The following LPP variants were observed in gnomAD, a reference collection of about 807,000 sequenced individuals.
LPP encodes lipoma-preferred partner.
Under a neutral mutation model 60.4 loss-of-function variants are expected in LPP, and 38 were observed. The ratio of observed to expected loss-of-function variants is 0.63; its 90% CI spans 0.49 to 0.83. The LOEUF is 0.83. Ranked by LOEUF, LPP falls within the 40% of genes least tolerant of loss-of-function variation. LPP has a pLI of 0.00. For synonymous variants in LPP, 328 were observed against 290.8 expected (o/e 1.13, Z -1.30); for missense variants, 902 against 783.6 (o/e 1.15, Z -1.80).
At chr3:188,316,001 C>T (rs1051676343) in intron 2 of LPP, among the ~76,000 whole-genome samples, 4 of 152,182 alleles carry the variant, frequency 2.6e-5, no homozygotes, top group Admixed American at 1.3e-4. Flanking sequence ...TGTCTGGGCG[C>T]GGTGGCTTAC....
At chr3:188,466,828 T>TATATATATATATATATAG in intron 4 of LPP, among the ~76,000 whole-genome samples, 1 of 125,080 alleles carries the variant, frequency 8.0e-6, no homozygotes, top group African/African-American at 3.0e-5. Context: ...TATATATATA[T>TATATATATATATATATAG]ATATATATAT....
intron 9 of LPP, among the ~76,000 whole-genome samples, chr3:188,850,915 C>A (rs1762537823): frequency 6.6e-6 from 1 of 152,094 alleles, no homozygotes; most frequent in Admixed American, 6.5e-5. Context: ...TCCCTTTATT[C>A]CAATAAAAAG....
intron 4 of LPP, among the ~76,000 whole-genome samples, chr3:188,469,525 C>T (rs977664449): frequency 6.6e-6 from 1 of 152,092 alleles, no homozygotes; most frequent in East Asian, 1.9e-4. Context: ...AGGGGAATGT[C>T]GGGTTAATCA....
chr3:188,845,125 AT>A (rs1183792839), intron 9 of LPP, among the ~76,000 whole-genome samples: 2 of 152,192 alleles, frequency 1.3e-5, no homozygotes, highest in Non-Finnish European at 2.9e-5. Context: ...AAGCTCCAGA[AT>A]TTTTTACCAA....
intron 4 of LPP, among the ~76,000 whole-genome samples, chr3:188,427,174 C>T (rs937315115): frequency 2.6e-5 from 4 of 152,160 alleles, no homozygotes; most frequent in African/African-American, 7.2e-5. Context: ...TCAGTGTTTA[C>T]TTATATGTAA....
At position 188,484,505 on chromosome 3, in the gene LPP, T is replaced by C. The variant is rs982799139; in HGVS notation, c.194-87T>C. On this transcript the variant is annotated intron_variant, in intron 4 of 11. Transcript: ENST00000617246. ...CAAAATTATGTGTCAAAGCCAATTATAAAAAAGTAAAATGCCAGCAAATAT... is the reference window on the plus strand; with the variant it reads ...CAAAATTATGTGTCAAAGCCAATTACAAAAAAGTAAAATGCCAGCAAATAT... The C allele has an allele frequency of 9.5e-6, 9 of 950,882 alleles. No homozygotes were observed. The Admixed American group carries it at 1.0e-4, about 11-fold the overall frequency. 58.9% of individuals were successfully genotyped at this position (950,882 alleles called of 1,614,324 possible). A position where few individuals can be genotyped will look rare whatever the true frequency, so the allele number is the denominator to read the frequency against.
At chr3:188,196,433 T>C (rs1038899596) in intron 1 of LPP, among the ~76,000 whole-genome samples, 1 of 152,182 alleles carries the variant, frequency 6.6e-6, no homozygotes, top group Non-Finnish European at 1.5e-5. Flanking sequence ...TGCCTCTGAC[T>C]GTCCTCAGTC....
At chr3:188,768,042 A>G (rs1243989969) in intron 9 of LPP, among the ~76,000 whole-genome samples, 1 of 152,166 alleles carries the variant, frequency 6.6e-6, no homozygotes, top group Non-Finnish European at 1.5e-5. Context: ...GACACTCAGC[A>G]TAGATACAGA....
chr3:188,698,110 A>T (rs1863658466), intron 7 of LPP, among the ~76,000 whole-genome samples: 1 of 152,100 alleles, frequency 6.6e-6, no homozygotes, highest in South Asian at 2.1e-4. Flanking sequence ...CATGGTGATA[A>T]AACCTTTTTT....
intron 9 of LPP, among the ~76,000 whole-genome samples, chr3:188,784,083 C>A (rs1334193410): frequency 6.6e-6 from 1 of 151,650 alleles, no homozygotes; most frequent in African/African-American, 2.4e-5. Flanking sequence ...CCCTTCCACG[C>A]TTCCCCCCAA....
intron 9 of LPP, among the ~76,000 whole-genome samples, chr3:188,800,868 T>G (rs1747025229): frequency 6.6e-6 from 1 of 152,204 alleles, no homozygotes; most frequent in Non-Finnish European, 1.5e-5. Context: ...TTTTTTGTTT[T>G]GTTTTGTTTC....
intron 7 of LPP, among the ~76,000 whole-genome samples, chr3:188,675,206 G>A (rs925939655): frequency 1.3e-5 from 2 of 152,210 alleles, no homozygotes; most frequent in Non-Finnish European, 2.9e-5. Flanking sequence ...ACTGATTAGA[G>A]TCATTTGTAG....
At chr3:188,165,082 G>A (rs1266146111) in intron 1 of LPP, among the ~76,000 whole-genome samples, 1 of 151,686 alleles carries the variant, frequency 6.6e-6, no homozygotes, top group Non-Finnish European at 1.5e-5. Flanking sequence ...GACCATCCTG[G>A]GTAATATAGC....
intron 3 of LPP, among the ~76,000 whole-genome samples, chr3:188,364,380 C>T (rs1224369420): frequency 3.3e-5 from 5 of 152,118 alleles, no homozygotes; most frequent in South Asian, 4.1e-4. Flanking sequence ...TGCCTTCGTT[C>T]GTTTTTTAGA....
chr3:188,407,791 T>TTTTTTTTTTTTTTTTTG (rs1783988046), intron 4 of LPP, among the ~76,000 whole-genome samples: 2 of 34,136 alleles, frequency 5.9e-5, no homozygotes, highest in African/African-American at 9.8e-5. Context: ...TTTGTTTGTT[T>TTTTTTTTTTTTTTTTTG]TTTTTTTTTT....
intron 4 of LPP, among the ~76,000 whole-genome samples, chr3:188,440,179 G>A (rs1484585134): frequency 6.6e-6 from 1 of 152,136 alleles, no homozygotes; most frequent in Non-Finnish European, 1.5e-5. Flanking sequence ...TGGTCTCCTA[G>A]CACAGTGCCA....
At chr3:188,439,339 C>T (rs1178047661) in intron 4 of LPP, among the ~76,000 whole-genome samples, 1 of 152,222 alleles carries the variant, frequency 6.6e-6, no homozygotes, top group Non-Finnish European at 1.5e-5. Flanking sequence ...TCAGCGACTT[C>T]TGCAAATGAG....
At chr3:188,514,453 A>C (rs6779942) in intron 5 of LPP, among the ~76,000 whole-genome samples, 1 of 144,596 alleles carries the variant, frequency 6.9e-6, no homozygotes, top group Non-Finnish European at 1.5e-5. Context: ...TTTTTTTTTT[A>C]TTTTTTGAGT....
intron 4 of LPP, among the ~76,000 whole-genome samples, chr3:188,429,631 C>G (rs1790399017): frequency 6.6e-6 from 1 of 152,178 alleles, no homozygotes; most frequent in South Asian, 2.1e-4. Flanking sequence ...TTGCAAAAAA[C>G]AAAGCCAATT....
Sources: allele counts gnomAD v4.1 joint callset (sites outside exome capture counted in the v4.1 genomes callset), GRCh38; gene constraint gnomAD v4.1.1; transcripts MANE v1.5; gene names NCBI Gene and HGNC (gene_info 2026-07-23, HGNC 2026-07-21).